The following CELF2 variants were observed in gnomAD, a reference collection of about 807,000 sequenced individuals.
CELF2 encodes the protein CUGBP Elav-like family member 2, also known as CUG triplet repeat RNA-binding protein 2.
Under a neutral mutation model 62.6 loss-of-function variants are expected in CELF2, and 8 were observed. The ratio of observed to expected loss-of-function variants is 0.13; its 90% CI spans 0.07 to 0.23. CELF2 has a LOEUF of 0.23. CELF2 is among the 10% of genes least tolerant of loss of function. The pLI is 1.00. For missense variants in CELF2, 333 were observed against 671.0 expected (o/e 0.50, Z 5.56); for synonymous variants, 258 against 250.0 (o/e 1.03, Z -0.30).
At chr10:10,555,310 A>C in the CELF2 span, among the ~76,000 whole-genome samples, 79 of 151,322 alleles carry the variant, frequency 5.2e-4, no homozygotes, top group African/African-American at 1.8e-3. Flanking sequence ...CATCCATGGT[A>C]AAGTTAAAAT....
the CELF2 span, among the ~76,000 whole-genome samples, chr10:10,683,821 C>T: frequency 6.6e-6 from 1 of 152,146 alleles, no homozygotes; most frequent in Non-Finnish European, 1.5e-5. Context: ...GAGAAGGTGA[C>T]AAAAAGCAAT....
At chr10:10,743,561 A>C in the CELF2 span, among the ~76,000 whole-genome samples, 1 of 152,220 alleles carries the variant, frequency 6.6e-6, no homozygotes, top group Non-Finnish European at 1.5e-5. Context: ...TTATGAGTGC[A>C]AGAACATTTT....
At chr10:10,890,786 G>A (rs1237949652) in intron 1 of CELF2, among the ~76,000 whole-genome samples, 1 of 152,196 alleles carries the variant, frequency 6.6e-6, no homozygotes, top group Non-Finnish European at 1.5e-5. Flanking sequence ...AGGCCAAAGC[G>A]GGCGGATCGC....
At chr10:10,906,033 T>A (rs2063316886) in intron 1 of CELF2, among the ~76,000 whole-genome samples, 1 of 152,158 alleles carries the variant, frequency 6.6e-6, no homozygotes, top group South Asian at 2.1e-4. Context: ...ACGGTGCCAC[T>A]GCTCTCCAGC....
At chr10:10,500,521 A>G in the CELF2 span, among the ~76,000 whole-genome samples, 2 of 152,260 alleles carry the variant, frequency 1.3e-5, no homozygotes, top group East Asian at 1.9e-4. Flanking sequence ...TAAAGCACAA[A>G]TTCTCTCTTG....
At position 11,318,798 on chromosome 10, in the gene CELF2, T is replaced by C; in HGVS notation, c.1097-2391T>C. ...TACAGAGAAGGGAGTTGGGTCCCAGTGACCACTGCCATAAAATGCCACCTG... is the reference window on the plus strand; with the variant it reads ...TACAGAGAAGGGAGTTGGGTCCCAGCGACCACTGCCATAAAATGCCACCTG... On this transcript the variant is annotated intron_variant, in intron 10 of 12. Coordinates refer to ENST00000633077, the MANE Select transcript of CELF2 (RefSeq NM_001326342.2). This position sits in a 1 kb window ranked among gnomAD's most constrained non-coding sequence, Gnocchi z 5.4. 2 of 471,252 alleles carry C rather than the reference T, an allele frequency of 4.2e-6. No homozygotes were observed. The highest frequency in any genetic ancestry group is 1.5e-5 in the South Asian group (1 of 64,566). The allele number at this position is 471,252 out of a possible 1,614,324, so 29.2% of individuals were successfully genotyped here. A position where few individuals can be genotyped will look rare whatever the true frequency, so the allele number is the denominator to read the frequency against.
intron 3 of CELF2, among the ~76,000 whole-genome samples, chr10:11,231,631 A>G (rs1164834319): frequency 3.9e-5 from 5 of 129,422 alleles, no homozygotes; most frequent in Admixed American, 3.2e-4. Flanking sequence ...TTGCAACCAA[A>G]TGATTAACTC....
intron 1 of CELF2, among the ~76,000 whole-genome samples, chr10:10,866,829 A>G (rs1472415048): frequency 6.6e-6 from 1 of 150,562 alleles, no homozygotes; most frequent in Non-Finnish European, 1.5e-5. Context: ...CTGAGGCAGG[A>G]GAATCGCTTG....
Position 10,995,600 on chromosome 10 carries a change from G to A in CELF2, c.89+75601G>A, listed in dbSNP as rs2053868269. ...GTTGGAGACATAGGTGGATCTCATG[G>A]GCATTATTATGTGGCTTGGACTTCA... On this transcript the variant is annotated intron_variant, in intron 2 of 13. Coordinates refer to the CELF2 transcript ENST00000636488. The surrounding 1 kb of genome is among the most constrained non-coding windows in gnomAD (Gnocchi z 4.7). Among the ~76,000 whole-genome samples the A allele has an allele frequency of 6.6e-6, 1 of 152,160 alleles. No homozygotes were observed. The highest frequency in any genetic ancestry group is 2.4e-5 in the African/African-American group (1 of 41,434).
At chr10:10,684,085 C>T in the CELF2 span, among the ~76,000 whole-genome samples, 1 of 152,130 alleles carries the variant, frequency 6.6e-6, no homozygotes, top group Admixed American at 6.5e-5. Context: ...TATGTTACAA[C>T]CTTTACATAT....
chr10:10,737,910 C>A, the CELF2 span, among the ~76,000 whole-genome samples: 2 of 152,182 alleles, frequency 1.3e-5, no homozygotes, highest in East Asian at 1.9e-4. Flanking sequence ...TGGCCTCCTG[C>A]AATACTGAGA....
chr10:10,589,283 G>A, the CELF2 span, among the ~76,000 whole-genome samples: 1 of 152,294 alleles, frequency 6.6e-6, no homozygotes, highest in East Asian at 1.9e-4. Flanking sequence ...GGAAGCCAAG[G>A]TTCTATCATG....
chr10:11,111,816 C>T (rs2055250927), intron 1 of CELF2, among the ~76,000 whole-genome samples: 1 of 152,212 alleles, frequency 6.6e-6, no homozygotes, highest in African/African-American at 2.4e-5. Context: ...ATCAATACCT[C>T]AGACAGTAAT....
At chr10:11,245,638 C>T (rs1589750574) in intron 3 of CELF2, among the ~76,000 whole-genome samples, 1 of 152,190 alleles carries the variant, frequency 6.6e-6, no homozygotes, top group Non-Finnish European at 1.5e-5. Flanking sequence ...TCTGAAGAGT[C>T]TTACGGCAGC....
chr10:11,332,529 T>A lies in CELF2; in HGVS notation c.*3476T>A, dbSNP rs1488775543. On this transcript the variant is annotated 3_prime_UTR_variant, in exon 13 of 13. Transcript: ENST00000633077. ...AGCACCAGTTCCTGCTGCCACTTTT[T>A]AAAGTGCCATATGACTTTCTACGAA... 6.6e-6 allele frequency: 1 copy of A among 152,294 alleles called. No individual in the cohort carries two copies. The highest frequency in any genetic ancestry group is 1.5e-5 in the Non-Finnish European group (1 of 68,050). The allele number at this position is 152,294 out of a possible 1,614,324, so 9.4% of individuals were successfully genotyped here.
chr10:11,134,737 T>A (rs1344276101), intron 1 of CELF2, among the ~76,000 whole-genome samples: 1 of 152,122 alleles, frequency 6.6e-6, no homozygotes, highest in African/African-American at 2.4e-5. Flanking sequence ...GCAGTGGGAT[T>A]TGAGAAGCAG....
rs2074802168 is a variant in CELF2 at position 11,243,936 on chromosome 10, A to G, written c.355-5217A>G. 6.6e-6 allele frequency among the ~76,000 whole-genome samples: 1 copy of G among 152,226 alleles called. No individual in the cohort carries two copies. Among genetic ancestry groups the G allele is most frequent in the Admixed American group, 6.5e-5 (1 of 15,282 alleles). On this transcript the variant is annotated intron_variant, in intron 3 of 12. Transcript: ENST00000633077. The surrounding 1 kb of genome is among the most constrained non-coding windows in gnomAD (Gnocchi z 4.1). ...CAGAGGAAGGAGGTGGCCCCTGGGA[A>G]CTAGCCTCAGCCCTGACCCTAGCCA... is the stretch of plus-strand genomic sequence containing the variant.
chr10:11,248,129 C>T (rs1027662443), intron 3 of CELF2, among the ~76,000 whole-genome samples: 2 of 152,188 alleles, frequency 1.3e-5, no homozygotes, highest in Non-Finnish European at 2.9e-5. Flanking sequence ...AAAGCATTTG[C>T]GCAGCCAGTG....
At chr10:11,047,667 A>G (rs2063106643) in intron 1 of CELF2, among the ~76,000 whole-genome samples, 1 of 152,168 alleles carries the variant, frequency 6.6e-6, no homozygotes, top group Non-Finnish European at 1.5e-5. Context: ...TTTTGAAGCA[A>G]AAAATTTATT....
Sources: allele counts gnomAD v4.1 joint callset (sites outside exome capture counted in the v4.1 genomes callset), GRCh38; gene constraint gnomAD v4.1.1; non-coding constraint Gnocchi (gnomAD v3.1); transcripts MANE v1.5; gene names NCBI Gene and HGNC (gene_info 2026-07-23, HGNC 2026-07-21).